Variants in EPHA6 observed in about 807,000 individuals in gnomAD.
The protein encoded by EPHA6 is EPH receptor A6, also known as ephrin type-A receptor 6.
Under a neutral mutation model 112.0 loss-of-function variants are expected in EPHA6, and 50 were observed. The ratio of observed to expected loss-of-function variants is 0.45; its 90% confidence interval spans 0.36 to 0.56. The LOEUF (loss-of-function observed/expected upper bound fraction) is 0.56. Among genes scored for constraint, EPHA6 ranks in the 20% least tolerant of loss-of-function variants. The probability of loss-of-function intolerance (pLI) is 0.00; values close to 1 mark genes in which losing one functional copy is unlikely to be tolerated. For synonymous variants in EPHA6, 529 were observed against 490.7 expected (o/e 1.08, Z -1.03); for missense variants, 1,280 against 1,417.4 (o/e 0.90, Z 1.56).
rs185666206 is a variant in EPHA6, at chr3:96,820,442, G to A, written c.385+5434G>A. Among the ~76,000 whole-genome samples, 5 of 152,018 alleles carry A rather than the reference G, an allele frequency of 3.3e-5. No individual in the cohort carries two copies. The East Asian group carries it at 7.7e-4, about 24-fold the overall frequency. The stretch of plus-strand genomic sequence containing the variant: ...TGGTGGCCTGGCATAGAGTGATGTC[G>A]GTGGAGCTGGAGAGAAGAAGATGGG... On this transcript the variant is annotated intron_variant, in intron 1 of 17. Coordinates refer to ENST00000389672, the MANE Select transcript of EPHA6 (RefSeq NM_001080448.3).
chr3:97,330,131 T>C (rs1366866593), intron 5 of EPHA6, among the ~76,000 whole-genome samples: 1 of 151,838 alleles, frequency 6.6e-6, no homozygotes, highest in Non-Finnish European at 1.5e-5. Flanking sequence ...TGGTTGTAGA[T>C]ATGCAGCATT....
At chr3:97,333,843 G>GAAT (rs1164984450) in intron 5 of EPHA6, among the ~76,000 whole-genome samples, 2 of 151,916 alleles carry the variant, frequency 1.3e-5, no homozygotes, top group Non-Finnish European at 2.9e-5. Context: ...GTACTACATT[G>GAAT]AATAATAGTA....
intron 5 of EPHA6, among the ~76,000 whole-genome samples, chr3:97,351,926 A>T (rs1053499928): frequency 6.6e-5 from 10 of 152,264 alleles, no homozygotes; most frequent in African/African-American, 2.2e-4. Context: ...TTTGAAAGAA[A>T]TGTTTATTAA....
intron 13 of EPHA6, among the ~76,000 whole-genome samples, chr3:97,615,219 C>T (rs1474144460): frequency 6.6e-6 from 1 of 152,136 alleles, no homozygotes; most frequent in African/African-American, 2.4e-5. Flanking sequence ...CCACACTTCT[C>T]CCATGGATTT....
chr3:97,469,155 T>C (rs2107434554), intron 7 of EPHA6, among the ~76,000 whole-genome samples: 1 of 151,826 alleles, frequency 6.6e-6, no homozygotes. Context: ...AGTGAATTAT[T>C]TGATGCTCCT....
At chr3:97,361,435 T>C (rs534330853) in intron 5 of EPHA6, among the ~76,000 whole-genome samples, 1 of 152,194 alleles carries the variant, frequency 6.6e-6, no homozygotes, top group Non-Finnish European at 1.5e-5. Context: ...ATATGAATCA[T>C]ACAGTTCGGC....
chr3:97,334,968 T>C (rs115366005), intron 5 of EPHA6, among the ~76,000 whole-genome samples: 2,299 of 152,100 alleles, frequency 0.015, 51 homozygotes, highest in African/African-American at 0.052. Flanking sequence ...TGTTATAAAC[T>C]CTGTCTTTGT....
At chr3:97,223,190 G>A (rs2108537987) in intron 3 of EPHA6, among the ~76,000 whole-genome samples, 1 of 152,312 alleles carries the variant, frequency 6.6e-6, no homozygotes, top group African/African-American at 2.4e-5. Flanking sequence ...CCCTGGAAAT[G>A]CATTTTAGAA....
intron 7 of EPHA6, among the ~76,000 whole-genome samples, chr3:97,459,738 T>C (rs2090822552): frequency 6.6e-6 from 1 of 152,206 alleles, no homozygotes; most frequent in African/African-American, 2.4e-5. Context: ...GACACTCCTA[T>C]AGCTCTCATA....
intron 6 of EPHA6, among the ~76,000 whole-genome samples, chr3:97,418,723 A>C (rs1240746054): frequency 6.6e-6 from 1 of 152,212 alleles, no homozygotes; most frequent in Non-Finnish European, 1.5e-5. Context: ...ATAGTATAAG[A>C]AGCAAGATGT....
Position 96,986,903 on chromosome 3 carries a change from G to A in EPHA6, c.451-427G>A, listed in dbSNP as rs535052830. 1.6e-4 allele frequency among the ~76,000 whole-genome samples: 24 copies of A among 152,292 alleles called. No individual in the cohort carries two copies. In the South Asian group the frequency reaches 4.8e-3, roughly 30 times the overall value. Reference sequence around the variant, plus strand: ...GCAAATTGGATATAAGGAAAGATGGGAAACCCTAAGTGCGTTTTTTATATA... The same window carrying A: ...GCAAATTGGATATAAGGAAAGATGGAAAACCCTAAGTGCGTTTTTTATATA... On this transcript the variant is annotated intron_variant, in intron 2 of 17. Transcript: ENST00000389672.
chr3:97,050,234 T>A (rs1354875312), intron 3 of EPHA6, among the ~76,000 whole-genome samples: 1 of 151,998 alleles, frequency 6.6e-6, no homozygotes, highest in African/African-American at 2.4e-5. Flanking sequence ...TAAATCCAAA[T>A]GAGATCAGGA....
intron 5 of EPHA6, among the ~76,000 whole-genome samples, chr3:97,382,217 G>C (rs2085790959): frequency 6.6e-6 from 1 of 151,944 alleles, no homozygotes; most frequent in Non-Finnish European, 1.5e-5. Context: ...AAGAAACATA[G>C]CTTTTATAGC....
chr3:96,959,645 T>C (rs931148951), intron 2 of EPHA6, among the ~76,000 whole-genome samples: 1 of 152,146 alleles, frequency 6.6e-6, no homozygotes, highest in African/African-American at 2.4e-5. Flanking sequence ...TATTTAAGTC[T>C]ATGAACCATT....
chr3:97,030,492 C>T (rs941963756), intron 3 of EPHA6, among the ~76,000 whole-genome samples: 2 of 152,050 alleles, frequency 1.3e-5, no homozygotes, highest in African/African-American at 4.8e-5. Context: ...ACTTCTGTAA[C>T]CCCTTTAGTC....
intron 3 of EPHA6, among the ~76,000 whole-genome samples, chr3:97,142,257 C>A (rs1211367419): frequency 3.3e-5 from 5 of 151,898 alleles, no homozygotes; most frequent in Admixed American, 2.6e-4. Context: ...GAAATAACAA[C>A]AAGAACAGTT....
intron 1 of EPHA6, among the ~76,000 whole-genome samples, chr3:96,821,969 A>G (rs1002071660): frequency 2.0e-5 from 3 of 151,828 alleles, no homozygotes; most frequent in Admixed American, 1.3e-4. Flanking sequence ...GGTGGTTTCT[A>G]TAAGATGAAG....
chr3:97,363,766 A>G (rs770853736), intron 5 of EPHA6, among the ~76,000 whole-genome samples: 24 of 152,110 alleles, frequency 1.6e-4, no homozygotes, highest in Non-Finnish European at 3.4e-4. Context: ...ATGTCCATTA[A>G]AAGATGAATG....
At chr3:97,209,335 A>G (rs2077802184) in intron 3 of EPHA6, among the ~76,000 whole-genome samples, 1 of 152,066 alleles carries the variant, frequency 6.6e-6, no homozygotes, top group South Asian at 2.1e-4. Context: ...ACGTATTTGT[A>G]TAATGAAAAG....
Sources: allele counts gnomAD v4.1 joint callset (sites outside exome capture counted in the v4.1 genomes callset), GRCh38; gene constraint gnomAD v4.1.1; transcripts MANE v1.5; gene names NCBI Gene and HGNC (gene_info 2026-07-23, HGNC 2026-07-21).